FAU: variants seen among roughly 807,000 people sequenced by gnomAD.
FAU encodes FAU ubiquitin like and ribosomal protein S30 fusion.
For synonymous variants in FAU, 70 were observed against 69.9 expected (o/e 1.00, Z -0.01); for missense variants, 125 against 173.9 (o/e 0.72, Z 1.58).
chr11:65,121,392 T>G (rs1948045586), intron 3 of FAU, 108 bp downstream of exon 3: 14 of 1,393,648 alleles, frequency 1.0e-5, no homozygotes, highest in Non-Finnish European at 1.3e-5. Flanking sequence ...CTGAAGACAG[T>G]GAGAAGTACT....
Position 65,121,232 on chromosome 11 carries a change from G to T in FAU, c.221-196C>A, listed in dbSNP as rs1948044094. ...GCTTCTAATTTTATAGAGCACTTTG[G>T]GGGCCCTGGTCTGACCTAATTTTAG... On this transcript the variant is annotated intron_variant, in intron 3 of 4. Transcript: ENST00000529639. The T allele has an allele frequency of 5.4e-6, 4 of 741,730 alleles. No individual in the cohort carries two copies. The South Asian group carries it at 7.5e-5, about 14-fold the overall frequency. The allele number at this position is 741,730 out of a possible 1,614,324, so 45.9% of individuals were successfully genotyped here.
At chr11:65,120,941 A>AGCTGTGTTAGG in intron 4 of FAU, 40 bp downstream of exon 4, 1 of 1,612,712 alleles carries the variant, frequency 6.2e-7, no homozygotes, top group African/African-American at 1.3e-5. Context: ...GTGAAAGGAA[A>AGCTGTGTTAGG]AAAAGTCCTA....
intron 3 of FAU, 58 bp from the exon 4 acceptor site, chr11:65,121,094 A>AC: frequency 6.4e-7 from 1 of 1,564,264 alleles, no homozygotes; most frequent in East Asian, 2.2e-5. Flanking sequence ...ACCCAGCAGA[A>AC]CCCCTCTTTT....
rs1241000428 is a variant in FAU at position 65,122,092 on chromosome 11, G to C, written c.-11C>G. ...TCCAGCCAAGGCCCCATTCTTACCT[G>C]AACGGCGGTCCCAGCTACCGCGAAG... On this transcript the variant is annotated splice_region_variant and 5_prime_UTR_variant, in exon 1 of 5. Transcript: ENST00000529639. 1 of 599,480 alleles carries C rather than the reference G, an allele frequency of 1.7e-6. No homozygotes were observed. Among genetic ancestry groups the C allele is most frequent in the African/African-American group, 1.9e-5 (1 of 53,854 alleles). 37.1% of individuals were successfully genotyped at this position (599,480 alleles called of 1,614,324 possible). A position where few individuals can be genotyped will look rare whatever the true frequency, so the allele number is the denominator to read the frequency against.
chr11:65,121,983 G>C, intron 1 of FAU, 107 bp downstream of exon 1: 1 of 693,448 alleles, frequency 1.4e-6, no homozygotes. Context: ...ATAGGGACTG[G>C]AGCAGGGCCA....
At chr11:65,121,241 G>T in intron 3 of FAU, 1 of 725,078 alleles carries the variant, frequency 1.4e-6, no homozygotes, top group Non-Finnish European at 2.2e-6. Flanking sequence ...GGGGGCCCTG[G>T]TCTGACCTAA....
At chr11:65,121,908 G>C in intron 1 of FAU, 87 bp from the exon 2 acceptor site, 1 of 1,357,760 alleles carries the variant, frequency 7.4e-7, no homozygotes, top group Non-Finnish European at 1.0e-6. Flanking sequence ...GTCCAGAAAC[G>C]ATCGCGACGG....
chr11:65,121,974 T>C (rs910671283), intron 1 of FAU, 116 bp downstream of exon 1: 18 of 744,438 alleles, frequency 2.4e-5, no homozygotes, highest in Admixed American at 1.9e-4. Flanking sequence ...GGAGTTCGGA[T>C]AGGGACTGGA....
At chr11:65,121,398 GTACTC>G (rs1948045778) in intron 3 of FAU, 97 bp downstream of exon 3, 1 of 1,426,296 alleles carries the variant, frequency 7.0e-7, no homozygotes, top group South Asian at 1.3e-5. Flanking sequence ...ACAGTGAGAA[GTACTC>G]TATTACCATA....
chr11:65,121,949 G>C, intron 1 of FAU, 128 bp from the exon 2 acceptor site: 1 of 899,884 alleles, frequency 1.1e-6, no homozygotes, highest in Non-Finnish European at 1.7e-6. Context: ...ACGTGGGGAA[G>C]GCCAGGCCTC....
At chr11:65,121,944 G>C (rs769440) in intron 1 of FAU, 123 bp from the exon 2 acceptor site, 475,502 of 977,948 alleles carry the variant, frequency 0.49, 117,113 homozygotes, top group East Asian at 0.7. Context: ...GGCTCACGTG[G>C]GGAAGGCCAG....
rs2137219652 is a variant in FAU at position 65,121,921 on chromosome 11, T to C, written c.-8-100A>G. The C allele has an allele frequency of 3.2e-6, 4 of 1,256,844 alleles. No individual in the cohort carries two copies. In the South Asian group the frequency reaches 5.1e-5, roughly 16 times the overall value. 77.9% of individuals were successfully genotyped at this position (1,256,844 alleles called of 1,614,324 possible). A position where few individuals can be genotyped will look rare whatever the true frequency, so the allele number is the denominator to read the frequency against. On this transcript the variant is annotated intron_variant, in intron 1 of 4. Coordinates refer to ENST00000529639, the MANE Select transcript of FAU (RefSeq NM_001997.5). ...CGGTCCAGAAACGATCGCGACGGGA[T>C]GGTGGTCGCGGCGGCTCACGTGGGG...
Position 65,121,509 on chromosome 11 carries a change from T to G in FAU, c.211A>C (p.Met71Leu), listed in dbSNP as rs745503741. Residue 71 changes from methionine to leucine, a missense_variant, in exon 3 of 5, where the codon ATG becomes CTG. By Grantham distance (15) the Met-to-Leu change is conservative. Transcript: ENST00000529639. Reference protein sequence around the residue: ...ALTTLEVAGRMLGGKVHGSLA... With the variant: ...ALTTLEVAGRLLGGKVHGSLA... Reference sequence around the variant, plus strand: ...TTCCTCTCTCACTCACCTCCAAGCATGCGGCCTGCTACTTCCAGGGTAGTC... The same window carrying G: ...TTCCTCTCTCACTCACCTCCAAGCAGGCGGCCTGCTACTTCCAGGGTAGTC... The G allele has an allele frequency of 1.2e-6, 2 of 1,613,364 alleles. No homozygotes were observed.
rs951051635 is a variant in FAU, at chr11:65,121,112, C to G, written c.221-76G>C. On this transcript the variant is annotated intron_variant, in intron 3 of 4. Transcript: ENST00000529639. ...CAGCAGAACCCCTCTTTTCTCAATT[C>G]AAGCCTTTAAAGAGAAGCTGCGCCC... 8 of 1,493,186 alleles carry G rather than the reference C, an allele frequency of 5.4e-6. No homozygotes were observed. In the South Asian group the frequency reaches 9.2e-5, roughly 17 times the overall value. The allele number at this position is 1,493,186 out of a possible 1,614,324, so 92.5% of individuals were successfully genotyped here.
intron 1 of FAU, 40 bp downstream of exon 1, chr11:65,122,050 G>A: frequency 1.7e-6 from 1 of 604,154 alleles, no homozygotes; most frequent in Non-Finnish European, 2.9e-6. Flanking sequence ...CAGCCAACCT[G>A]CTACAAGCCC....
In FAU at chr11:65,122,114, G is replaced by A. The variant is rs1948054985; in HGVS notation, c.-33C>T. 2 of 600,390 alleles carry A rather than the reference G, an allele frequency of 3.3e-6. No homozygotes were observed. The highest frequency in any genetic ancestry group is 2.0e-5 in the South Asian group (1 of 50,638). The allele number at this position is 600,390 out of a possible 1,614,324, so 37.2% of individuals were successfully genotyped here. Reference sequence around the variant, plus strand: ...CCTGAACGGCGGTCCCAGCTACCGCGAAGATGGAGTCGAGAAAGAGGAAGA... The same window carrying A: ...CCTGAACGGCGGTCCCAGCTACCGCAAAGATGGAGTCGAGAAAGAGGAAGA... On this transcript the variant is annotated 5_prime_UTR_variant, in exon 1 of 5. Coordinates refer to ENST00000529639, the MANE Select transcript of FAU (RefSeq NM_001997.5).
chr11:65,121,147 T>C (rs1948043251), intron 3 of FAU, 111 bp from the exon 4 acceptor site: 1 of 1,109,020 alleles, frequency 9.0e-7, no homozygotes, highest in Non-Finnish European at 1.3e-6. Flanking sequence ...CAATAGGTAA[T>C]GAGAACAAAG....
intron 3 of FAU, 61 bp from the exon 4 acceptor site, chr11:65,121,097 CCT>C (rs1948042862): frequency 2.6e-6 from 4 of 1,548,982 alleles, no homozygotes; most frequent in Admixed American, 1.7e-5. Flanking sequence ...CAGCAGAACC[CCT>C]CTTTTCTCAA....
chr11:65,120,889 G>C (rs1948040765), intron 4 of FAU, 83 bp from the exon 5 acceptor site: 3 of 1,609,530 alleles, frequency 1.9e-6, no homozygotes, highest in South Asian at 2.2e-5. Context: ...TCCAGGGAGG[G>C]AGAAGGCAAA....
Sources: allele counts gnomAD v4.1 joint callset, GRCh38; gene constraint gnomAD v4.1.1; transcripts MANE v1.5; gene names NCBI Gene and HGNC (gene_info 2026-07-23, HGNC 2026-07-21).